Variants in NXPH1 observed in about 807,000 individuals in gnomAD.
NXPH1 encodes the protein neurexophilin 1.
A neutral mutation model predicts 23.7 loss-of-function variants in NXPH1; 5 were observed. That is an observed-to-expected ratio of 0.21 (90% CI 0.11 to 0.44). The LOEUF (loss-of-function observed/expected upper bound fraction) is 0.44. Among genes scored for constraint, NXPH1 ranks in the 20% least tolerant of loss-of-function variants. The pLI, the probability that NXPH1 is intolerant of heterozygous loss-of-function variation, is 0.99. For synonymous variants in NXPH1, 144 were observed against 122.2 expected, an observed-to-expected ratio of 1.18 and a Z score of -1.18; for missense variants, 324 against 321.6, an observed-to-expected ratio of 1.01 and a Z score of -0.06.
Position 8,751,553 on chromosome 7 carries a change from G to T in NXPH1, c.600G>T (p.Lys200Asn). ...TTAATTGTCGCATTGAATATGAAAAGGTTGACAAGGCTACCAAGAACACAC... is the reference window on the plus strand; with the variant it reads ...TTAATTGTCGCATTGAATATGAAAATGTTGACAAGGCTACCAAGAACACAC... Reference protein sequence around the residue: ...KSFNCRIEYEKVDKATKNTLC... With the variant: ...KSFNCRIEYENVDKATKNTLC... Residue 200 changes from lysine (K) to asparagine (N), a missense_variant, in exon 3 of 3, where the codon AAG becomes AAT. Physicochemically the swap from Lys to Asn is moderately conservative, Grantham distance 94. Transcript: ENST00000405863. This position sits in a 1 kb window ranked among gnomAD's most constrained non-coding sequence, Gnocchi z 4.5. 1.2e-6 allele frequency: 2 copies of T among 1,613,370 alleles called. No individual in the cohort carries two copies. The highest frequency in any genetic ancestry group is 1.7e-6 in the Non-Finnish European group (2 of 1,179,674).
chr7:8,531,638 A>C (rs1007312804), intron 2 of NXPH1, among the ~76,000 whole-genome samples: 1 of 152,174 alleles, frequency 6.6e-6, no homozygotes, highest in Admixed American at 6.5e-5. Flanking sequence ...GACATCTATA[A>C]AGGTAGGTTC....
chr7:8,710,290 C>T (rs1454665981), intron 2 of NXPH1, among the ~76,000 whole-genome samples: 1 of 152,160 alleles, frequency 6.6e-6, no homozygotes, highest in East Asian at 1.9e-4. Context: ...ATTAAAAGCT[C>T]AAAGTCCCTG....
chr7:8,493,804 G>C (rs1013443336), intron 2 of NXPH1, among the ~76,000 whole-genome samples: 1 of 151,922 alleles, frequency 6.6e-6, no homozygotes, highest in African/African-American at 2.4e-5. Flanking sequence ...AGTCAGATGC[G>C]ATACTTGTGA....
At chr7:8,483,982 T>TTTTTTTTTTTTTTTTTTTA (rs1817117929) in intron 2 of NXPH1, among the ~76,000 whole-genome samples, 1 of 151,300 alleles carries the variant, frequency 6.6e-6, no homozygotes, top group African/African-American at 2.4e-5. Flanking sequence ...TTTTTTTTTT[T>TTTTTTTTTTTTTTTTTTTA]AAGAAGTAGA....
intron 2 of NXPH1, among the ~76,000 whole-genome samples, chr7:8,570,334 C>T (rs963853952): frequency 6.6e-6 from 1 of 151,868 alleles, no homozygotes; most frequent in African/African-American, 2.4e-5. Context: ...TGAAACCTGG[C>T]TCTGGCATGA....
intron 2 of NXPH1, among the ~76,000 whole-genome samples, chr7:8,474,880 G>A (rs1318726733): frequency 6.6e-6 from 1 of 152,094 alleles, no homozygotes; most frequent in African/African-American, 2.4e-5. Flanking sequence ...ACATCATGAA[G>A]CTGCGGCCAT....
At chr7:8,460,882 T>C (rs1193012071) in intron 2 of NXPH1, among the ~76,000 whole-genome samples, 1 of 152,212 alleles carries the variant, frequency 6.6e-6, no homozygotes, top group African/African-American at 2.4e-5. Context: ...TAAGACTTTG[T>C]GAAAAATCAA....
intron 2 of NXPH1, among the ~76,000 whole-genome samples, chr7:8,658,615 A>G (rs145345270): frequency 1.3e-5 from 2 of 152,360 alleles, no homozygotes; most frequent in African/African-American, 4.8e-5. Flanking sequence ...TTTGTAAGTT[A>G]TATAATCAAG....
intron 2 of NXPH1, among the ~76,000 whole-genome samples, chr7:8,731,624 T>C (rs1780155481): frequency 6.6e-6 from 1 of 152,140 alleles, no homozygotes. Context: ...TCTGCCCCTG[T>C]TGGAGGGTGC....
chr7:8,677,292 G>C (rs905198070), intron 2 of NXPH1, among the ~76,000 whole-genome samples: 1 of 152,172 alleles, frequency 6.6e-6, no homozygotes, highest in Non-Finnish European at 1.5e-5. Context: ...TTTATACTAA[G>C]ATCTGTGATT....
At chr7:8,564,003 G>A (rs777182502) in intron 2 of NXPH1, among the ~76,000 whole-genome samples, 2 of 151,920 alleles carry the variant, frequency 1.3e-5, no homozygotes, top group Non-Finnish European at 2.9e-5. Flanking sequence ...TAGAATATAT[G>A]CAAAGAACAG....
At chr7:8,727,849 A>G (rs1337163612) in intron 2 of NXPH1, among the ~76,000 whole-genome samples, 1 of 151,814 alleles carries the variant, frequency 6.6e-6, no homozygotes, top group African/African-American at 2.4e-5. Context: ...ATGAACTTTA[A>G]AGTAGTTTTT....
intron 2 of NXPH1, among the ~76,000 whole-genome samples, chr7:8,605,042 T>C (rs1320344168): frequency 1.3e-5 from 2 of 152,160 alleles, no homozygotes; most frequent in Non-Finnish European, 2.9e-5. Context: ...CATATTGCCA[T>C]ATTTACTTCT....
intron 2 of NXPH1, among the ~76,000 whole-genome samples, chr7:8,667,408 C>T (rs993181682): frequency 6.7e-6 from 1 of 149,218 alleles, no homozygotes; most frequent in South Asian, 2.1e-4. Context: ...AAGGCTTTAT[C>T]TCTCCTTTGT....
chr7:8,453,351 C>T (rs1232847493), intron 2 of NXPH1, among the ~76,000 whole-genome samples: 1 of 152,056 alleles, frequency 6.6e-6, no homozygotes, highest in African/African-American at 2.4e-5. Flanking sequence ...AAAAACCCAC[C>T]CAAACATCAA....
At chr7:8,607,723 C>T (rs1001332244) in intron 2 of NXPH1, among the ~76,000 whole-genome samples, 1 of 152,104 alleles carries the variant, frequency 6.6e-6, no homozygotes, top group Non-Finnish European at 1.5e-5. Context: ...GTTGGCTATG[C>T]CTTTATGGGA....
chr7:8,699,886 G>A (rs907235578), intron 2 of NXPH1, among the ~76,000 whole-genome samples: 20 of 152,078 alleles, frequency 1.3e-4, no homozygotes, highest in African/African-American at 4.3e-4. Flanking sequence ...GATAGAAAGG[G>A]AAGATCCACT....
At chr7:8,609,873 A>C (rs1819578887) in intron 2 of NXPH1, among the ~76,000 whole-genome samples, 1 of 152,128 alleles carries the variant, frequency 6.6e-6, no homozygotes, top group South Asian at 2.1e-4. Context: ...GAGGGAAAGC[A>C]TTTTTGTTGT....
chr7:8,542,281 G>A (rs943280642), intron 2 of NXPH1, among the ~76,000 whole-genome samples: 3 of 151,450 alleles, frequency 2.0e-5, no homozygotes, highest in South Asian at 2.1e-4. Flanking sequence ...TCATTAAATG[G>A]TCATGTAATT....
Sources: allele counts gnomAD v4.1 joint callset (sites outside exome capture counted in the v4.1 genomes callset), GRCh38; gene constraint gnomAD v4.1.1; non-coding constraint Gnocchi (gnomAD v3.1); transcripts MANE v1.5; gene names NCBI Gene and HGNC (gene_info 2026-07-23, HGNC 2026-07-21).